Variants in ICMT observed in about 807,000 individuals in gnomAD.
The protein encoded by ICMT is isoprenylcysteine carboxyl methyltransferase.
In ICMT, 10 loss-of-function variants were observed where a neutral mutation model predicts 32.2. The ratio of observed to expected loss-of-function variants is 0.31; its 90% CI spans 0.19 to 0.53. The LOEUF (loss-of-function observed/expected upper bound fraction) is 0.53, where lower values mean the gene tolerates loss of function less well. ICMT is among the 20% of genes least tolerant of loss of function. ICMT has a pLI of 0.96. For missense variants in ICMT, 265 were observed against 356.9 expected (o/e 0.74, Z 2.07); for synonymous variants, 183 against 158.2 (o/e 1.16, Z -1.18).
intron 1 of ICMT, among the ~76,000 whole-genome samples, chr1:6,235,207 G>C (rs1438856267): frequency 6.6e-6 from 1 of 152,194 alleles, no homozygotes; most frequent in Non-Finnish European, 1.5e-5. Flanking sequence ...ACAGCCAGGG[G>C]ATAACAGTAC....
chr1:6,233,329 C>T (rs969014500), intron 3 of ICMT, 145 bp downstream of exon 3: 17 of 719,102 alleles, frequency 2.4e-5, no homozygotes, highest in Non-Finnish European at 3.9e-5. Context: ...GGAGCTCATC[C>T]TTTATAAATA....
chr1:6,225,195 C>T lies in ICMT; in HGVS notation c.740G>A (p.Arg247Gln). 1.2e-6 allele frequency: 2 copies of T among 1,614,078 alleles called. No individual in the cohort carries two copies. The highest frequency in any genetic ancestry group is 1.7e-6 in the Non-Finnish European group (2 of 1,180,018). ...ALTVWRFFRD[R>Q]TEEEEISLIH... is the part of the protein sequence containing the mutation. ...TAGTGAGATTTCTTCTTCTTCTGTT[C>T]GATCGCGGAAGAATCGCCACACTGT... The change falls in exon 5 of 5, where the codon CGA becomes CAA. Residue 247 changes from arginine to glutamine, a missense_variant. Arg to Gln is a conservative substitution (Grantham distance 43, BLOSUM62 1). Around this residue, in one of 2 missense-constraint regions of ICMT, gnomAD observed 166 missense variants for 264.3 expected, o/e 0.63. Transcript: ENST00000343813.
Position 6,225,121 on chromosome 1 carries a change from T to G in ICMT, c.814A>C (p.Thr272Pro). 1 of 1,614,120 alleles carries G rather than the reference T, an allele frequency of 6.2e-7. No homozygotes were observed. Among genetic ancestry groups the G allele is most frequent in the Non-Finnish European group, 8.5e-7 (1 of 1,179,980 alleles). ...ACCCCCTTTATGAAAGGCAGGCCCG[T>G]GGGCACCCTCTTCTTATACTCCAGG... ...EYLEYKKRVP[T>P]GLPFIKGVKV... The change falls in exon 5 of 5, where the codon ACG becomes CCG. Residue 272 changes from threonine (T) to proline (P), a missense_variant. Transcript: ENST00000343813.
chr1:6,233,267 G>A (rs1363185742), intron 3 of ICMT, among the ~76,000 whole-genome samples: 3 of 152,270 alleles, frequency 2.0e-5, no homozygotes, highest in Non-Finnish European at 2.9e-5. Context: ...AAACTTTAAA[G>A]CAAAAGGTCA....
rs1332293574 is a variant in ICMT, at chr1:6,235,855, G to A, written c.57C>T (p.Ala19=). 2.4e-6 allele frequency: 3 copies of A among 1,245,680 alleles called. No homozygotes were observed. The highest frequency in any genetic ancestry group is 7.1e-5 in the Admixed American group (2 of 28,166). 77.2% of individuals were successfully genotyped at this position (1,245,680 alleles called of 1,614,324 possible). A position where few individuals can be genotyped will look rare whatever the true frequency, so the allele number is the denominator to read the frequency against. Residue 19 remains alanine (A), a synonymous_variant, in exon 1 of 5, where the codon GCC becomes GCT. Transcript: ENST00000343813. The part of the protein sequence containing the change: ...PPGSEARLSL[A]TFLLGASVLA... Reference sequence around the variant, plus strand: ...GCACCGAGGCGCCCAGCAGGAAGGTGGCGAGGCTGAGACGCGCCTCAGAGC... The same window carrying A: ...GCACCGAGGCGCCCAGCAGGAAGGTAGCGAGGCTGAGACGCGCCTCAGAGC...
rs766290610 is a variant in ICMT, at chr1:6,225,161, A to G, written c.774T>C (p.Phe258=). The G allele has an allele frequency of 1.4e-5, 23 of 1,613,994 alleles. No individual in the cohort carries two copies. The highest frequency in any genetic ancestry group is 2.7e-5 in the African/African-American group (2 of 74,910). The change falls in exon 5 of 5, where the codon TTT becomes TTC. Residue 258 remains phenylalanine, a synonymous_variant. Transcript: ENST00000343813. ...TEEEEISLIH[F]FGEEYLEYKK... Reference sequence around the variant, plus strand: ...TATACTCCAGGTACTCCTCTCCAAAAAAGTGAATTAGTGAGATTTCTTCTT... The same window carrying G: ...TATACTCCAGGTACTCCTCTCCAAAGAAGTGAATTAGTGAGATTTCTTCTT...
intron 4 of ICMT, among the ~76,000 whole-genome samples, chr1:6,227,115 G>T (rs532790941): frequency 2.0e-5 from 3 of 152,300 alleles, no homozygotes; most frequent in Admixed American, 6.5e-5. Context: ...AACAGTAAGT[G>T]TAAGTATTAT....
chr1:6,232,151 G>A, intron 3 of ICMT, 32 bp from the exon 4 acceptor site: 1 of 1,544,848 alleles, frequency 6.5e-7, no homozygotes, highest in Non-Finnish European at 8.9e-7. Flanking sequence ...GACACACGGG[G>A]AGTGAAAACA....
Position 6,224,602 on chromosome 1 carries a change from T to C in ICMT, c.*478A>G, listed in dbSNP as rs1039397871. 1.0e-4 allele frequency: 16 copies of C among 153,778 alleles called. No individual in the cohort carries two copies. The highest frequency in any genetic ancestry group is 3.8e-4 in the African/African-American group (16 of 41,592). 9.5% of individuals were successfully genotyped at this position (153,778 alleles called of 1,614,324 possible). On this transcript the variant is annotated 3_prime_UTR_variant, in exon 5 of 5. Coordinates refer to ENST00000343813, the MANE Select transcript of ICMT (RefSeq NM_012405.4). Reference sequence around the variant, plus strand: ...ATGTTCATGCAGTGGGGGACAGAAATAAAGAGGTTAAAGCGGTCTGTGTTT... The same window carrying C: ...ATGTTCATGCAGTGGGGGACAGAAACAAAGAGGTTAAAGCGGTCTGTGTTT...
chr1:6,226,795 T>G (rs937600637), intron 4 of ICMT, among the ~76,000 whole-genome samples: 1 of 152,214 alleles, frequency 6.6e-6, no homozygotes, highest in Non-Finnish European at 1.5e-5. Flanking sequence ...AGGCTGGACT[T>G]GAACTCTTGG....
chr1:6,233,075 C>A (rs1294578416), intron 3 of ICMT, among the ~76,000 whole-genome samples: 2 of 151,850 alleles, frequency 1.3e-5, no homozygotes, highest in Non-Finnish European at 2.9e-5. Flanking sequence ...AGGCTGGTCT[C>A]GAACTCCTGA....
At chr1:6,227,241 G>A (rs527752453) in intron 4 of ICMT, among the ~76,000 whole-genome samples, 4 of 152,332 alleles carry the variant, frequency 2.6e-5, no homozygotes, top group African/African-American at 9.6e-5. Context: ...CACATATACA[G>A]GAAGCAAGCA....
rs375584799 is a variant in ICMT, at chr1:6,233,463, G to A, written c.454+11C>T. 1 of 1,611,018 alleles carries A rather than the reference G, an allele frequency of 6.2e-7. No individual in the cohort carries two copies. On this transcript the variant is annotated intron_variant, in intron 3 of 4. Transcript: ENST00000343813. ...TTTTCCCCTCCAGAGGGGGACATAA[G>A]GCACACGAACCTGGCCAAAAGATAT...
At chr1:6,230,824 G>T (rs1668723840) in intron 4 of ICMT, among the ~76,000 whole-genome samples, 1 of 151,482 alleles carries the variant, frequency 6.6e-6, no homozygotes, top group African/African-American at 2.4e-5. Context: ...GGGAGGCAGA[G>T]GTTGCAGTGA....
rs1241407640 is a variant in ICMT, at chr1:6,235,939, C to T, written c.-28G>A. ...CGCCGGGCGGCGGACTAGCGGGCGG[C>T]GGCGCCGGCTGTAGCCCGGAGAAAC... On this transcript the variant is annotated 5_prime_UTR_variant, in exon 1 of 5. Transcript: ENST00000343813. The T allele has an allele frequency of 5.6e-5, 57 of 1,024,772 alleles. No individual in the cohort carries two copies. The highest frequency in any genetic ancestry group is 2.0e-4 in the African/African-American group (9 of 44,718). The allele number at this position is 1,024,772 out of a possible 1,614,324, so 63.5% of individuals were successfully genotyped here.
Position 6,235,601 on chromosome 1 carries a change from T to C in ICMT, c.195+116A>G, listed in dbSNP as rs1333649422. 4 of 661,486 alleles carry C rather than the reference T, an allele frequency of 6.0e-6. No homozygotes were observed. The African/African-American group carries it at 7.8e-5, about 13-fold the overall frequency. 41.0% of individuals were successfully genotyped at this position (661,486 alleles called of 1,614,324 possible). On this transcript the variant is annotated intron_variant, in intron 1 of 4. Transcript: ENST00000343813. Reference sequence around the variant, plus strand: ...CCCTCCTGCGACCTGAACTCGCGGATGAAGAGCGCGCGCGTGGGAGGCCAC... The same window carrying C: ...CCCTCCTGCGACCTGAACTCGCGGACGAAGAGCGCGCGCGTGGGAGGCCAC...
At position 6,223,989 on chromosome 1, in the gene ICMT, T is replaced by C. The variant is rs529697645; in HGVS notation, c.*1091A>G. On this transcript the variant is annotated 3_prime_UTR_variant, in exon 5 of 5. Coordinates refer to ENST00000343813, the MANE Select transcript of ICMT (RefSeq NM_012405.4). ...AACAAACATACTGACTGAATCTTAG[T>C]TGGGACTATTTGCAGTATTTAAGAT... 12 of 152,328 alleles carry C rather than the reference T, an allele frequency of 7.9e-5. No individual in the cohort carries two copies. The East Asian group carries it at 2.3e-3, about 29-fold the overall frequency. The allele number at this position is 152,328 out of a possible 1,614,324, so 9.4% of individuals were successfully genotyped here.
chr1:6,231,858 T>TAAAAA (rs59840043), intron 4 of ICMT, 44 bp downstream of exon 4: 2 of 1,036,068 alleles, frequency 1.9e-6, no homozygotes, highest in Middle Eastern at 2.3e-4. Flanking sequence ...AAATGTTACT[T>TAAAAA]AAAAAAAAAA....
At position 6,223,432 on chromosome 1, in the gene ICMT, A is replaced by G. The variant is rs933661778; in HGVS notation, c.*1648T>C. On this transcript the variant is annotated 3_prime_UTR_variant, in exon 5 of 5. Transcript: ENST00000343813. ...GTCTGTCTGGTTTTCAAACCAATCAATGAACCCGTAAGCCTCTTTGGTATA... is the reference window on the plus strand; with the variant it reads ...GTCTGTCTGGTTTTCAAACCAATCAGTGAACCCGTAAGCCTCTTTGGTATA... 1 of 152,246 alleles carries G rather than the reference A, an allele frequency of 6.6e-6. No individual in the cohort carries two copies. The highest frequency in any genetic ancestry group is 2.4e-5 in the African/African-American group (1 of 41,444). The allele number at this position is 152,246 out of a possible 1,614,324, so 9.4% of individuals were successfully genotyped here.
Sources: gnomAD v4.1 joint callset for allele counts (sites outside exome capture counted in the v4.1 genomes callset) on GRCh38, gnomAD v4.1.1 for gene constraint, gnomAD v4.1.1 regional missense constraint, MANE v1.5 for transcripts, NCBI Gene and HGNC (gene_info 2026-07-23, HGNC 2026-07-21) for gene names.